Variants in NEMF observed in about 807,000 individuals in gnomAD.
NEMF encodes ribosome quality control complex subunit NEMF.
A neutral mutation model predicts 162.2 loss-of-function variants in NEMF; 89 were observed. That is an observed-to-expected ratio of 0.55 (90% CI 0.46 to 0.65). The LOEUF is 0.65. Ranked by LOEUF, NEMF falls within the 30% of genes least tolerant of loss-of-function variation. NEMF has a pLI of 0.00. For synonymous variants in NEMF, 421 were observed against 404.5 expected (o/e 1.04, Z -0.49); for missense variants, 1,133 against 1,261.9 (o/e 0.90, Z 1.55).
At chr14:49,833,691 G>C (rs1362239812) in intron 7 of NEMF, among the ~76,000 whole-genome samples, 195 bp from the exon 8 acceptor site, 3 of 152,172 alleles carry the variant, frequency 2.0e-5, no homozygotes, top group South Asian at 2.1e-4. Context: ...TGTTGTCCAA[G>C]TAGCTTTTAT....
chr14:49,846,259 T>C lies in NEMF; in HGVS notation c.238A>G (p.Lys80Glu), dbSNP rs1893495623. The C allele has an allele frequency of 6.2e-7, 1 of 1,611,194 alleles. No homozygotes were observed. Among genetic ancestry groups the C allele is most frequent in the Non-Finnish European group, 8.5e-7 (1 of 1,179,396 alleles). ...MPSSFAMKCR[K>E]HLKSRRLVSA... ...ACTAATCTCCGACTCTTCAAATGTT[T>C]TCGGCACTAGCAAGAGAAAGAAAAA... Residue 80 changes from lysine to glutamate, a missense_variant, in exon 4 of 33, where the codon AAA becomes GAA. Coordinates refer to ENST00000298310, the MANE Select transcript of NEMF (RefSeq NM_004713.6).
chr14:49,789,732 C>A (rs1350137839), intron 26 of NEMF, among the ~76,000 whole-genome samples, 159 bp from the exon 27 acceptor site: 1 of 152,190 alleles, frequency 6.6e-6, no homozygotes, highest in Admixed American at 6.5e-5. Flanking sequence ...AGTTGGATAA[C>A]TGAAGTCCTC....
At chr14:49,816,929 G>A (rs562038492) in intron 16 of NEMF, among the ~76,000 whole-genome samples, 3 of 152,054 alleles carry the variant, frequency 2.0e-5, no homozygotes, top group Non-Finnish European at 4.4e-5. Flanking sequence ...ATCAAAAGAA[G>A]GCAATAATGA....
chr14:49,802,332 G>T, intron 22 of NEMF, 121 bp downstream of exon 22: 2 of 1,072,354 alleles, frequency 1.9e-6, no homozygotes, highest in Non-Finnish European at 2.6e-6. Context: ...ACGTACTTTG[G>T]GTTTTCGGGG....
At chr14:49,850,065 A>G (rs1175010123) in intron 3 of NEMF, among the ~76,000 whole-genome samples, 2 of 152,130 alleles carry the variant, frequency 1.3e-5, no homozygotes, top group African/African-American at 4.8e-5. Context: ...GGAAATGAAC[A>G]TGTATGGAGT....
intron 10 of NEMF, 76 bp from the exon 11 acceptor site, chr14:49,831,437 T>C: frequency 1.4e-6 from 1 of 722,242 alleles, no homozygotes; most frequent in Non-Finnish European, 2.1e-6. Context: ...AGAATTTTAT[T>C]TTTTTTTTCT....
At chr14:49,791,577 A>C (rs1264223761) in intron 26 of NEMF, among the ~76,000 whole-genome samples, 2 of 151,838 alleles carry the variant, frequency 1.3e-5, no homozygotes, top group East Asian at 3.9e-4. Flanking sequence ...TCGCTACTAA[A>C]AATACAAAAA....
Position 49,787,118 on chromosome 14 carries a change from T to C in NEMF, c.2896-368A>G, listed in dbSNP as rs1405960770. The C allele has an allele frequency of 1.1e-5, 2 of 176,690 alleles. 1 individual carries two copies. The highest frequency in any genetic ancestry group is 3.1e-4 in the East Asian group (2 of 6,426). The allele number at this position is 176,690 out of a possible 1,614,324, so 10.9% of individuals were successfully genotyped here. ...TGCCAGGAGAAAAGCAAATGGAGAA[T>C]TTTGGTCAACAGAACTTTTATTTTT... On this transcript the variant is annotated intron_variant, in intron 28 of 32. Coordinates refer to ENST00000298310, the MANE Select transcript of NEMF (RefSeq NM_004713.6).
rs149684487 is a variant in NEMF, at chr14:49,802,589, T to C, written c.1975-16A>G. 187 of 1,612,850 alleles carry C rather than the reference T, an allele frequency of 1.2e-4. 1 individual carries two copies. In the African/African-American group the frequency reaches 2.1e-3, roughly 18 times the overall value. ...ACTCATCTACCTAAAGAAACAGTTA[T>C]TTTTCAGTGACGGAGCTTCAGACAA... On this transcript the variant is annotated splice_polypyrimidine_tract_variant and intron_variant, in intron 21 of 32. Transcript: ENST00000298310.
intron 25 of NEMF, among the ~76,000 whole-genome samples, chr14:49,797,216 G>A (rs1255459745): frequency 1.3e-5 from 2 of 151,864 alleles, no homozygotes; most frequent in Non-Finnish European, 2.9e-5. Flanking sequence ...TGTCCATTCT[G>A]TTCTAGGGCC....
chr14:49,844,812 G>A (rs187399742), intron 4 of NEMF: 2 of 425,976 alleles, frequency 4.7e-6, no homozygotes, highest in South Asian at 3.3e-5. Context: ...TCTGTCACCT[G>A]AGCTGGAGTA....
intron 6 of NEMF, among the ~76,000 whole-genome samples, chr14:49,837,637 G>A (rs1351553242): frequency 1.3e-5 from 2 of 151,918 alleles, no homozygotes; most frequent in African/African-American, 2.4e-5. Flanking sequence ...CATAAGAGAG[G>A]AAGAGTTAAC....
chr14:49,817,439 C>CA (rs1183062784), intron 16 of NEMF, among the ~76,000 whole-genome samples: 17 of 151,388 alleles, frequency 1.1e-4, no homozygotes, highest in African/African-American at 3.9e-4. Context: ...GACTATGTCT[C>CA]AAAAAACAAA....
chr14:49,815,195 T>C (rs1010476493), intron 16 of NEMF, among the ~76,000 whole-genome samples: 2 of 152,354 alleles, frequency 1.3e-5, no homozygotes, highest in African/African-American at 2.4e-5. Context: ...AGTGAGGCAC[T>C]GAATAGGCTT....
At chr14:49,803,182 C>A in intron 20 of NEMF, 55 bp downstream of exon 20, 2 of 1,228,932 alleles carry the variant, frequency 1.6e-6, no homozygotes, top group Non-Finnish European at 2.4e-6. Flanking sequence ...TGTCTCAAAC[C>A]TGTCTCCATA....
In NEMF at chr14:49,814,835, T is replaced by C. The variant is rs1218623287; in HGVS notation, c.1600A>G (p.Ile534Val). Residue 534 changes from isoleucine (I) to valine (V), a missense_variant, in exon 17 of 33, where the codon ATT (isoleucine) becomes GTT (valine). By Grantham distance (29) the Ile-to-Val change is conservative. Around this residue, in one of 3 missense-constraint regions of NEMF, gnomAD observed 582 missense variants for 631.5 expected, o/e 0.92. Transcript: ENST00000298310. The part of the protein sequence containing the change: ...VYWFEKFLWF[I>V]SSENYLIIGG... ...ATAATTAGATAGTTCTCTGAGCTAA[T>C]GAACCACAGAAATTTCTCAAACCTA... The C allele has an allele frequency of 1.9e-6, 3 of 1,580,258 alleles. No individual in the cohort carries two copies. Among genetic ancestry groups the C allele is most frequent in the Non-Finnish European group, 2.6e-6 (3 of 1,167,144 alleles).
At chr14:49,786,244 A>T (rs1890173958) in intron 29 of NEMF, 1 of 160,306 alleles carries the variant, frequency 6.2e-6, no homozygotes, top group Non-Finnish European at 1.4e-5. Flanking sequence ...TAATAGTGCC[A>T]AAGTTGAGAA....
chr14:49,829,499 A>G (rs1310399818), intron 11 of NEMF, 73 bp from the exon 12 acceptor site: 7 of 1,205,278 alleles, frequency 5.8e-6, no homozygotes, highest in South Asian at 2.6e-5. Context: ...TTACTTCCCA[A>G]CACTCACTAT....
intron 20 of NEMF, 120 bp downstream of exon 20, chr14:49,803,117 G>T: frequency 1.3e-6 from 1 of 750,396 alleles, no homozygotes; most frequent in Non-Finnish European, 2.2e-6. Flanking sequence ...CTTCATAGCA[G>T]ACTTCACATA....
Sources: gnomAD v4.1 joint callset for allele counts (sites outside exome capture counted in the v4.1 genomes callset) on GRCh38, gnomAD v4.1.1 for gene constraint, gnomAD v4.1.1 regional missense constraint, MANE v1.5 for transcripts, NCBI Gene and HGNC (gene_info 2026-07-23, HGNC 2026-07-21) for gene names.